The following SASH1 variants were observed in gnomAD, a reference collection of about 807,000 sequenced individuals.
SASH1 encodes the protein SAM and SH3 domain containing 1, also known as SAM and SH3 domain-containing protein 1.
A neutral mutation model predicts 125.2 loss-of-function variants in SASH1; 44 were observed. The ratio of observed to expected loss-of-function variants is 0.35; its 90% CI spans 0.28 to 0.45. SASH1 has a LOEUF of 0.45. Among genes scored for constraint, SASH1 ranks in the 20% least tolerant of loss-of-function variants. SASH1 has a pLI of 1.00. For synonymous variants in SASH1, 639 were observed against 649.1 expected, an observed-to-expected ratio of 0.98 and a Z score of 0.24; for missense variants, 1,426 against 1,614.5, an observed-to-expected ratio of 0.88 and a Z score of 2.00.
chr6:148,310,074 C>T (rs141687418), intron 1 of SASH1, among the ~76,000 whole-genome samples: 1,606 of 152,206 alleles, frequency 0.011, 24 homozygotes, highest in African/African-American at 0.037. Context: ...GTAATCCCAG[C>T]GCTTTGGGAA....
intron 2 of SASH1, among the ~76,000 whole-genome samples, chr6:148,402,682 T>C (rs1784221414): frequency 6.6e-6 from 1 of 151,458 alleles, no homozygotes; most frequent in Non-Finnish European, 1.5e-5. Flanking sequence ...TGGCACGATC[T>C]TGGCTCACTG....
intron 12 of SASH1, among the ~76,000 whole-genome samples, chr6:148,531,093 T>A (rs950538415): frequency 6.6e-6 from 1 of 152,228 alleles, no homozygotes; most frequent in Non-Finnish European, 1.5e-5. Flanking sequence ...TACACTTTTT[T>A]AAAAGTGCAT....
intron 1 of SASH1, among the ~76,000 whole-genome samples, chr6:148,293,188 C>T (rs778882186): frequency 3.9e-5 from 6 of 152,304 alleles, no homozygotes; most frequent in Middle Eastern, 6.8e-3. Context: ...ACACCCTAAA[C>T]GATCCAAACC....
chr6:148,361,050 G>T (rs1202656416), intron 1 of SASH1, among the ~76,000 whole-genome samples: 1 of 152,192 alleles, frequency 6.6e-6, no homozygotes, highest in Non-Finnish European at 1.5e-5. Flanking sequence ...CACCCACAGA[G>T]AACAGCATGT....
At chr6:148,333,723 GA>G (rs1781063492) in intron 1 of SASH1, among the ~76,000 whole-genome samples, 1 of 151,962 alleles carries the variant, frequency 6.6e-6, no homozygotes, top group Non-Finnish European at 1.5e-5. Context: ...CACCACACCT[GA>G]CTAATTTTGT....
chr6:148,232,733 C>T, the SASH1 span, among the ~76,000 whole-genome samples: 1 of 152,240 alleles, frequency 6.6e-6, no homozygotes, highest in South Asian at 2.1e-4. Context: ...AGCTTTTCAT[C>T]CTACAACCCC....
At chr6:148,222,255 A>G in the SASH1 span, among the ~76,000 whole-genome samples, 2 of 152,210 alleles carry the variant, frequency 1.3e-5, no homozygotes, top group African/African-American at 2.4e-5. Context: ...CCCAGACACA[A>G]TCCCTATCTA....
the SASH1 span, among the ~76,000 whole-genome samples, chr6:148,249,588 A>T: frequency 4.6e-5 from 7 of 152,172 alleles, no homozygotes; most frequent in East Asian, 1.2e-3. Flanking sequence ...GATTTACCTT[A>T]CCTCCCTACG....
chr6:148,413,292 C>T (rs1403768091), intron 2 of SASH1, among the ~76,000 whole-genome samples: 1 of 151,956 alleles, frequency 6.6e-6, no homozygotes, highest in Admixed American at 6.6e-5. Flanking sequence ...GAAGAGCAGT[C>T]CAAAGGGTAT....
At chr6:148,225,624 T>C in the SASH1 span, among the ~76,000 whole-genome samples, 1 of 152,158 alleles carries the variant, frequency 6.6e-6, no homozygotes, top group Non-Finnish European at 1.5e-5. Flanking sequence ...GGGTACAGCA[T>C]ACACTGCTCA....
At chr6:148,512,930 T>C in intron 8 of SASH1, 1 of 985,428 alleles carries the variant, frequency 1.0e-6, no homozygotes, top group Non-Finnish European at 1.2e-6. Flanking sequence ...GAAAGTACCA[T>C]GGCTCCATGC....
At chr6:148,418,930 C>G (rs192190354) in intron 2 of SASH1, among the ~76,000 whole-genome samples, 30 of 152,320 alleles carry the variant, frequency 2.0e-4, no homozygotes, top group African/African-American at 7.0e-4. Context: ...TGCAGCCAGT[C>G]CTTTCCCCAA....
At chr6:148,453,330 G>A (rs1485703556) in intron 4 of SASH1, among the ~76,000 whole-genome samples, 3 of 152,198 alleles carry the variant, frequency 2.0e-5, no homozygotes, top group Non-Finnish European at 4.4e-5. Flanking sequence ...GTGATGGTGG[G>A]AGGCTATCAG....
At chr6:148,320,103 T>C (rs1780601270) in intron 1 of SASH1, among the ~76,000 whole-genome samples, 1 of 152,240 alleles carries the variant, frequency 6.6e-6, no homozygotes, top group South Asian at 2.1e-4. Flanking sequence ...TTACTGTGCC[T>C]AAGTTATAAA....
Position 148,542,515 on chromosome 6 carries a change from T to C in SASH1, c.2210-1165T>C, listed in dbSNP as rs905967407. ...CATTCTCCCGCCTCAGCCTCCCGAGTAGCTGGGACTACAGGCGCCTGCCAC... is the reference window on the plus strand; with the variant it reads ...CATTCTCCCGCCTCAGCCTCCCGAGCAGCTGGGACTACAGGCGCCTGCCAC... On this transcript the variant is annotated intron_variant, in intron 17 of 19. Transcript: ENST00000367467. Among the ~76,000 whole-genome samples the C allele has an allele frequency of 4.6e-5, 7 of 152,248 alleles. 1 individual carries two copies. The South Asian group carries it at 1.5e-3, about 32-fold the overall frequency.
At chr6:148,302,779 T>C (rs1780005552) in intron 1 of SASH1, among the ~76,000 whole-genome samples, 1 of 141,734 alleles carries the variant, frequency 7.1e-6, no homozygotes, top group Non-Finnish European at 1.6e-5. Flanking sequence ...TGTGTATATA[T>C]ATATGTGTGT....
the SASH1 span, among the ~76,000 whole-genome samples, chr6:148,221,257 C>G: frequency 3.3e-5 from 5 of 152,078 alleles, no homozygotes; most frequent in Non-Finnish European, 7.4e-5. Context: ...AATAAATCAG[C>G]TGGAAATAAA....
intron 8 of SASH1, among the ~76,000 whole-genome samples, chr6:148,505,625 TTTG>T (rs1459872980): frequency 1.2e-4 from 18 of 150,576 alleles, no homozygotes; most frequent in African/African-American, 4.9e-5. Context: ...GTTGGGTTTT[TTTG>T]TTGTTGTTTT....
At chr6:148,445,243 A>G (rs890387687) in intron 4 of SASH1, among the ~76,000 whole-genome samples, 2 of 152,078 alleles carry the variant, frequency 1.3e-5, no homozygotes, top group South Asian at 2.1e-4. Context: ...TCCTGTCACT[A>G]AGAATGCCTA....
Sources: allele counts gnomAD v4.1 joint callset (sites outside exome capture counted in the v4.1 genomes callset), GRCh38; gene constraint gnomAD v4.1.1; transcripts MANE v1.5; gene names NCBI Gene and HGNC (gene_info 2026-07-23, HGNC 2026-07-21).